Variants in PANK1 observed in about 807,000 individuals in gnomAD.
PANK1 encodes the protein pantothenic acid kinase 1.
In PANK1, 18 loss-of-function variants were observed where a neutral mutation model predicts 40.1. The ratio of observed to expected loss-of-function variants is 0.45; its 90% CI spans 0.31 to 0.67. The LOEUF (loss-of-function observed/expected upper bound fraction) is 0.67. Ranked by LOEUF, PANK1 falls within the 30% of genes least tolerant of loss-of-function variation. The pLI is 0.06. For synonymous variants in PANK1, 242 were observed against 237.7 expected (o/e 1.02, Z -0.17); for missense variants, 457 against 599.6 (o/e 0.76, Z 2.48).
At chr10:89,636,806 C>T (rs1162636269) in intron 1 of PANK1, among the ~76,000 whole-genome samples, 1 of 151,800 alleles carries the variant, frequency 6.6e-6, no homozygotes, top group African/African-American at 2.4e-5. Context: ...ACATGGATGC[C>T]ACCAAGATTT....
At chr10:89,613,939 G>A in intron 1 of PANK1, 1 of 456,384 alleles carries the variant, frequency 2.2e-6, no homozygotes, top group Non-Finnish European at 4.4e-6. Context: ...TACCTCTTTG[G>A]ATTTTAATTT....
intron 1 of PANK1, among the ~76,000 whole-genome samples, chr10:89,620,512 C>T (rs188451474): frequency 1.3e-5 from 2 of 152,294 alleles, no homozygotes; most frequent in East Asian, 1.9e-4. Context: ...TCCAGCCTGG[C>T]GAATTCTAGT....
At chr10:89,595,833 A>ATATATATAT (rs1554837945) in intron 3 of PANK1, among the ~76,000 whole-genome samples, 27 of 33,744 alleles carry the variant, frequency 8.0e-4, no homozygotes, top group Middle Eastern at 0.022. Flanking sequence ...AAAAAAAAAA[A>ATATATATAT]ATATATATAT....
chr10:89,599,314 G>A lies in PANK1; in HGVS notation c.837C>T (p.Gly279=), dbSNP rs751709354. ...ACACGGCTAGAATGCTGACACCTGA[G>A]CCCATGTTAACCAGCAACATAGGGT... The part of the protein sequence containing the change: ...NPYPMLLVNM[G]SGVSILAVYS... Residue 279 remains glycine, a synonymous_variant, in exon 3 of 7, where the codon GGC becomes GGT. Coordinates refer to ENST00000307534, the MANE Select transcript of PANK1 (RefSeq NM_148977.3). 4.2e-5 allele frequency: 68 copies of A among 1,613,052 alleles called. No homozygotes were observed. The highest frequency in any genetic ancestry group is 5.8e-5 in the Non-Finnish European group (68 of 1,179,100).
In PANK1 at chr10:89,640,562, T is replaced by C. The variant is rs555622498; in HGVS notation, c.292+4038A>G. ...CCACAGTGGATACACTAAATACTTG[T>C]CATCCCAAGGTCCCAAGATGAATAC... On this transcript the variant is annotated intron_variant, in intron 1 of 6. Transcript: ENST00000307534. Among the ~76,000 whole-genome samples the C allele has an allele frequency of 6.6e-5, 10 of 152,334 alleles. No homozygotes were observed. In the East Asian group the frequency reaches 1.7e-3, roughly 26 times the overall value.
intron 2 of PANK1, among the ~76,000 whole-genome samples, chr10:89,601,052 A>G (rs570807738): frequency 2.0e-5 from 3 of 152,254 alleles, no homozygotes; most frequent in South Asian, 2.1e-4. Context: ...ATATCTCCCA[A>G]TGACTTGCTG....
At chr10:89,620,321 T>G (rs1055053801) in intron 1 of PANK1, among the ~76,000 whole-genome samples, 1 of 152,150 alleles carries the variant, frequency 6.6e-6, no homozygotes, top group Non-Finnish European at 1.5e-5. Context: ...AGAAAGCAAA[T>G]AGGAGAAATA....
intron 1 of PANK1, among the ~76,000 whole-genome samples, chr10:89,618,551 C>T (rs147905879): frequency 1.9e-4 from 29 of 152,258 alleles, no homozygotes; most frequent in East Asian, 3.9e-4. Context: ...GACAAATATC[C>T]GGTAACCAGA....
intron 1 of PANK1, among the ~76,000 whole-genome samples, chr10:89,643,063 G>A (rs1438356056): frequency 6.6e-6 from 1 of 152,102 alleles, no homozygotes; most frequent in Non-Finnish European, 1.5e-5. Context: ...TTCCTAGAGG[G>A]TGTATTTTCA....
At chr10:89,588,385 C>T (rs1844268315) in intron 6 of PANK1, among the ~76,000 whole-genome samples, 1 of 152,120 alleles carries the variant, frequency 6.6e-6, no homozygotes. Context: ...TTTTTTGAAA[C>T]TTCCATGCAG....
At position 89,595,828 on chromosome 10, in the gene PANK1, AAAAAAATATATATATATATATATAT is replaced by A. The variant is rs1162258064; in HGVS notation, c.900-1864_900-1840del. ...CCGGACTCCATCTTAAAAAAAAAAA[AAAAAAATATATATATATATATATAT>A]ATATATATATATATATATATAACTT... is the stretch of plus-strand genomic sequence containing the variant. On this transcript the variant is annotated intron_variant, in intron 3 of 6. Transcript: ENST00000307534. 4.6e-3 allele frequency among the ~76,000 whole-genome samples: 306 copies of A among 67,130 alleles called. 13 individuals are homozygous for A. The highest frequency in any genetic ancestry group is 0.02 in the African/African-American group (282 of 14,168). 44.0% of individuals were successfully genotyped at this position (67,130 alleles called of 152,430 possible).
intron 2 of PANK1, among the ~76,000 whole-genome samples, chr10:89,609,881 G>A (rs11185789): frequency 0.55 from 83,116 of 152,002 alleles, 23,527 homozygotes; most frequent in South Asian, 0.63. Flanking sequence ...CAGGGTATAC[G>A]TTACCCCAGG....
intron 1 of PANK1, among the ~76,000 whole-genome samples, chr10:89,622,309 T>G (rs1845510179): frequency 6.6e-6 from 1 of 152,198 alleles, no homozygotes; most frequent in South Asian, 2.1e-4. Flanking sequence ...TCTTTCAAAT[T>G]AATGTGTACC....
chr10:89,607,579 A>C (rs1388243224), intron 2 of PANK1, among the ~76,000 whole-genome samples: 7 of 152,256 alleles, frequency 4.6e-5, no homozygotes, highest in East Asian at 1.9e-4. Flanking sequence ...ATCTGTAAAA[A>C]ATGCAATACA....
In PANK1 at chr10:89,584,363, GT is replaced by G; in HGVS notation, c.*42del. The G allele has an allele frequency of 7.3e-7, 1 of 1,370,756 alleles. No homozygotes were observed. Among genetic ancestry groups the G allele is most frequent in the Non-Finnish European group, 1.0e-6 (1 of 960,592 alleles). 84.9% of individuals were successfully genotyped at this position (1,370,756 alleles called of 1,614,324 possible). On this transcript the variant is annotated 3_prime_UTR_variant, in exon 7 of 7. Transcript: ENST00000307534. ...CACCTTCTCCAGCAGCAATTTTTTA[GT>G]TCTCTGTCCTTTTGGGAGGCTGTTT...
chr10:89,627,897 A>T (rs1425066365), intron 1 of PANK1, among the ~76,000 whole-genome samples: 1 of 152,180 alleles, frequency 6.6e-6, no homozygotes, highest in African/African-American at 2.4e-5. Context: ...GTTGGAGGAT[A>T]TAAGAGCTCT....
At chr10:89,638,045 C>G (rs1157558706) in intron 1 of PANK1, among the ~76,000 whole-genome samples, 2 of 152,134 alleles carry the variant, frequency 1.3e-5, no homozygotes, top group Non-Finnish European at 2.9e-5. Context: ...ACACCCACAT[C>G]TTGTCCCACT....
chr10:89,622,434 T>A (rs529026351), intron 1 of PANK1, among the ~76,000 whole-genome samples: 1 of 152,300 alleles, frequency 6.6e-6, no homozygotes, highest in South Asian at 2.1e-4. Context: ...ATGGGTTTAT[T>A]TGGAAATACA....
At chr10:89,615,288 A>G (rs1845285065) in intron 1 of PANK1, among the ~76,000 whole-genome samples, 1 of 152,236 alleles carries the variant, frequency 6.6e-6, no homozygotes, top group African/African-American at 2.4e-5. Flanking sequence ...TACAGCTGCT[A>G]TCAGATTTCT....
Sources: allele counts gnomAD v4.1 joint callset (sites outside exome capture counted in the v4.1 genomes callset), GRCh38; gene constraint gnomAD v4.1.1; transcripts MANE v1.5; gene names NCBI Gene and HGNC (gene_info 2026-07-23, HGNC 2026-07-21).